Variants in TMEM181 observed in about 807,000 individuals in gnomAD.
TMEM181 encodes G protein-coupled receptor 178.
In TMEM181, 39 loss-of-function variants were observed where a neutral mutation model predicts 71.9. That is an observed-to-expected ratio of 0.54 (90% CI 0.42 to 0.71). The LOEUF is 0.71. Among genes scored for constraint, TMEM181 ranks in the 30% least tolerant of loss-of-function variants. The probability of loss-of-function intolerance (pLI) is 0.00; values close to 1 mark genes in which losing one functional copy is unlikely to be tolerated. For missense variants in TMEM181, 595 were observed against 583.0 expected, an observed-to-expected ratio of 1.02 and a Z score of -0.21; for synonymous variants, 245 against 228.8, an observed-to-expected ratio of 1.07 and a Z score of -0.64.
At chr6:158,610,756 C>A (rs1342535933) in intron 10 of TMEM181, 4 of 300,932 alleles carry the variant, frequency 1.3e-5, no homozygotes, top group African/African-American at 6.7e-5. Context: ...GCTGCTCCTC[C>A]CAGCCTGTGC....
intron 2 of TMEM181, 121 bp downstream of exon 2, chr6:158,573,644 A>G (rs1320985114): frequency 3.7e-6 from 3 of 803,724 alleles, no homozygotes; most frequent in Non-Finnish European, 6.1e-6. Flanking sequence ...GTGGAGGGAG[A>G]AGTGTCCACA....
At chr6:158,570,664 A>G (rs1782755221) in intron 1 of TMEM181, among the ~76,000 whole-genome samples, 1 of 152,140 alleles carries the variant, frequency 6.6e-6, no homozygotes, top group South Asian at 2.1e-4. Context: ...ACAGCGCTGC[A>G]GGCTCCAACC....
intron 7 of TMEM181, 40 bp from the exon 8 acceptor site, chr6:158,607,204 T>G (rs771497221): frequency 1.3e-6 from 2 of 1,549,552 alleles, no homozygotes; most frequent in Admixed American, 1.7e-5. Context: ...AGGCAAGGTG[T>G]GAGCAAAGGC....
rs1363226270 is a variant in TMEM181, at chr6:158,560,155, C to T, written c.-70C>T. 12 of 984,760 alleles carry T rather than the reference C, an allele frequency of 1.2e-5. No homozygotes were observed. The South Asian group carries it at 5.2e-4, about 42-fold the overall frequency. The allele number at this position is 984,760 out of a possible 1,614,324, so 61.0% of individuals were successfully genotyped here. On this transcript the variant is annotated 5_prime_UTR_variant, in exon 1 of 17. Transcript: ENST00000684151. Reference sequence around the variant, plus strand: ...CCGGCTCCGGCTGCGGCTGCCGCTGCCGAGGCTGCTGCGCGGCGCCTGGCG... The same window carrying T: ...CCGGCTCCGGCTGCGGCTGCCGCTGTCGAGGCTGCTGCGCGGCGCCTGGCG...
chr6:158,566,003 C>T (rs964157853), intron 1 of TMEM181, among the ~76,000 whole-genome samples: 2 of 152,176 alleles, frequency 1.3e-5, no homozygotes, highest in African/African-American at 4.8e-5. Context: ...GTTGCGTTTC[C>T]TTCTAAATTT....
chr6:158,583,318 A>G (rs1025808141), intron 3 of TMEM181, among the ~76,000 whole-genome samples: 34 of 152,224 alleles, frequency 2.2e-4, no homozygotes, highest in African/African-American at 8.2e-4. Flanking sequence ...TATGTATCTC[A>G]TCATTCTGCT....
intron 6 of TMEM181, 109 bp from the exon 7 acceptor site, chr6:158,605,158 G>T (rs56053084): frequency 5.2e-6 from 3 of 571,550 alleles, no homozygotes; most frequent in Admixed American, 2.7e-5. Context: ...GTGTGTGTGT[G>T]TATGTGTATA....
At chr6:158,605,213 C>A in intron 6 of TMEM181, 54 bp from the exon 7 acceptor site, 1 of 1,372,586 alleles carries the variant, frequency 7.3e-7, no homozygotes, top group Non-Finnish European at 1.0e-6. Context: ...GGTGTATTTT[C>A]TCTTAGATGC....
At chr6:158,624,132 C>T (rs67316427) in intron 11 of TMEM181, among the ~76,000 whole-genome samples, 19,746 of 152,192 alleles carry the variant, frequency 0.13, 1,344 homozygotes, top group Non-Finnish European at 0.15. Context: ...GAGGCCCTGT[C>T]ACTGTGGTTC....
intron 1 of TMEM181, among the ~76,000 whole-genome samples, chr6:158,569,913 C>T (rs1309814602): frequency 1.3e-5 from 2 of 152,134 alleles, no homozygotes; most frequent in Non-Finnish European, 2.9e-5. Flanking sequence ...CTCTCATGCC[C>T]TTTCTTAAGG....
chr6:158,538,744 C>T (rs889480784), intron 1 of TMEM181, among the ~76,000 whole-genome samples: 1 of 152,170 alleles, frequency 6.6e-6, no homozygotes, highest in African/African-American at 2.4e-5. Context: ...AGGGTGCTGC[C>T]ACACAGAAGG....
chr6:158,626,589 C>T (rs1786287685), intron 13 of TMEM181: 1 of 456,682 alleles, frequency 2.2e-6, no homozygotes, highest in African/African-American at 2.0e-5. Context: ...GGTCGTCCAC[C>T]ACCACTAGGA....
intron 1 of TMEM181, among the ~76,000 whole-genome samples, chr6:158,567,437 C>A (rs552957740): frequency 6.6e-6 from 1 of 152,206 alleles, no homozygotes; most frequent in Non-Finnish European, 1.5e-5. Context: ...CCAAGCCGTT[C>A]GCCGTCAGGC....
At chr6:158,542,542 A>G (rs1781391846) in intron 1 of TMEM181, among the ~76,000 whole-genome samples, 1 of 152,162 alleles carries the variant, frequency 6.6e-6, no homozygotes, top group Admixed American at 6.5e-5. Flanking sequence ...CCTAGGCTTA[A>G]TTATTTCTTT....
At chr6:158,558,266 C>T (rs1354436317), upstream of TMEM181, among the ~76,000 whole-genome samples, 1 of 152,258 alleles carries the variant, frequency 6.6e-6, no homozygotes, top group Non-Finnish European at 1.5e-5. Flanking sequence ...GAGGTAGATA[C>T]TGGCTGCCTC....
chr6:158,585,526 C>A, intron 5 of TMEM181, 101 bp downstream of exon 5: 4 of 1,288,416 alleles, frequency 3.1e-6, no homozygotes, highest in Non-Finnish European at 4.0e-6. Flanking sequence ...TAAGAGGCTT[C>A]GAGAAATTGT....
intron 2 of TMEM181, among the ~76,000 whole-genome samples, chr6:158,576,000 A>ATTTT (rs1375851857): frequency 2.6e-5 from 4 of 152,226 alleles, no homozygotes; most frequent in Non-Finnish European, 5.9e-5. Context: ...CAAACTCTAA[A>ATTTT]GAAATGCATT....
intron 1 of TMEM181, among the ~76,000 whole-genome samples, chr6:158,572,760 T>G (rs1445732513): frequency 1.3e-5 from 2 of 152,160 alleles, no homozygotes; most frequent in African/African-American, 4.8e-5. Flanking sequence ...TGAGTTTCCC[T>G]GTCTGTGTAA....
At chr6:158,553,248 T>G (rs1425379822) in intron 1 of TMEM181, among the ~76,000 whole-genome samples, 4 of 152,182 alleles carry the variant, frequency 2.6e-5, no homozygotes, top group Admixed American at 1.3e-4. Flanking sequence ...TTGTTTAATT[T>G]AACATACCAT....
Sources: allele counts gnomAD v4.1 joint callset (sites outside exome capture counted in the v4.1 genomes callset), GRCh38; gene constraint gnomAD v4.1.1; transcripts MANE v1.5; gene names NCBI Gene and HGNC (gene_info 2026-07-23, HGNC 2026-07-21).